Variants in PIGN observed in about 807,000 individuals in gnomAD.
PIGN encodes the protein phosphatidylinositol glycan anchor biosynthesis class N.
PIGN carries 117 observed loss-of-function variants against 125.4 expected under a neutral mutation model. That is an observed-to-expected ratio of 0.93 (90% CI 0.80 to 1.09). The LOEUF (loss-of-function observed/expected upper bound fraction) is 1.09. PIGN is among the 50% of genes least tolerant of loss of function. The pLI is 0.00. For synonymous variants in PIGN, 392 were observed against 377.8 expected, an observed-to-expected ratio of 1.04 and a Z score of -0.44; for missense variants, 1,075 against 1,094.9, an observed-to-expected ratio of 0.98 and a Z score of 0.26.
At position 62,148,289 on chromosome 18, in the gene PIGN, T is replaced by C. The variant is rs2036409322; in HGVS notation, c.599A>G (p.Asn200Ser). 1 of 1,535,264 alleles carries C rather than the reference T, an allele frequency of 6.5e-7. No individual in the cohort carries two copies. Among genetic ancestry groups the C allele is most frequent in the Non-Finnish European group, 8.8e-7 (1 of 1,137,674 alleles). The change falls in exon 8 of 31, where the codon AAT becomes AGT. Residue 200 changes from asparagine to serine, a missense_variant. By Grantham distance (46) the Asn-to-Ser change is conservative (BLOSUM62 1). Coordinates refer to ENST00000640252, the MANE Select transcript of PIGN (RefSeq NM_176787.5). Reference protein sequence around the residue: ...RNNQSLFSKINEEKIVFFLHL... With the variant: ...RNNQSLFSKISEEKIVFFLHL... ...TAAGAAAAAAACTATTTTCTCTTCA[T>C]TTATTTTAGAAAACAAAGACTGGTT...
chr18:62,047,087 G>T (rs901088817), intron 30 of PIGN, among the ~76,000 whole-genome samples: 1 of 152,244 alleles, frequency 6.6e-6, no homozygotes, highest in Non-Finnish European at 1.5e-5. Flanking sequence ...GAAAGGGGCA[G>T]CCAGAAAGAC....
At chr18:62,137,910 T>C (rs1053638259) in intron 14 of PIGN, 11 of 242,514 alleles carry the variant, frequency 4.5e-5, no homozygotes, top group African/African-American at 6.9e-5. Flanking sequence ...TACCAGCATC[T>C]TCCTAATCAA....
At chr18:62,162,048 T>A (rs1400955813) in intron 3 of PIGN, among the ~76,000 whole-genome samples, 1 of 152,150 alleles carries the variant, frequency 6.6e-6, no homozygotes, top group Non-Finnish European at 1.5e-5. Flanking sequence ...TTATTTTAGT[T>A]CCCTGAATCA....
chr18:62,177,885 T>C (rs1568262496), intron 1 of PIGN, among the ~76,000 whole-genome samples: 1 of 152,188 alleles, frequency 6.6e-6, no homozygotes, highest in East Asian at 1.9e-4. Context: ...TCAGCTGAAG[T>C]ACTCTCACAC....
chr18:62,072,805 T>C, intron 29 of PIGN, 80 bp from the exon 30 acceptor site: 1 of 1,028,466 alleles, frequency 9.7e-7, no homozygotes, highest in Non-Finnish European at 1.4e-6. Flanking sequence ...TAGGACTGTA[T>C]GTTTCAGATT....
intron 4 of PIGN, among the ~76,000 whole-genome samples, chr18:62,160,593 T>C (rs2036914475): frequency 6.6e-6 from 1 of 151,980 alleles, no homozygotes. Context: ...CTCGGCTCAC[T>C]GCAACCTCTG....
chr18:62,139,698 G>A (rs2036066981), intron 12 of PIGN, among the ~76,000 whole-genome samples: 1 of 152,066 alleles, frequency 6.6e-6, no homozygotes, highest in South Asian at 2.1e-4. Context: ...CAGCATGTTA[G>A]GTTTATAATC....
At chr18:62,184,113 T>TTACATCTA (rs2037813075) in intron 1 of PIGN, among the ~76,000 whole-genome samples, 1 of 152,194 alleles carries the variant, frequency 6.6e-6, no homozygotes, top group Admixed American at 6.5e-5. Flanking sequence ...AGTTTATCTG[T>TTACATCTA]GGATGTTTAC....
intron 12 of PIGN, among the ~76,000 whole-genome samples, chr18:62,140,004 T>C (rs568373683): frequency 3.3e-5 from 5 of 152,342 alleles, no homozygotes; most frequent in South Asian, 2.1e-4. Flanking sequence ...AAATTACTTA[T>C]ACATTTCTAT....
intron 11 of PIGN, among the ~76,000 whole-genome samples, chr18:62,142,115 T>C (rs2036160577): frequency 6.6e-6 from 1 of 152,238 alleles, no homozygotes; most frequent in Non-Finnish European, 1.5e-5. Flanking sequence ...CATGTATTTG[T>C]ACAACAGACT....
intron 7 of PIGN, among the ~76,000 whole-genome samples, chr18:62,148,633 A>G (rs919466937): frequency 6.6e-6 from 1 of 152,166 alleles, no homozygotes; most frequent in Non-Finnish European, 1.5e-5. Context: ...AACTTAATAA[A>G]ATACAGCAGA....
At chr18:62,124,303 T>G (rs565722201) in intron 14 of PIGN, among the ~76,000 whole-genome samples, 4 of 152,258 alleles carry the variant, frequency 2.6e-5, no homozygotes, top group African/African-American at 9.6e-5. Context: ...CTTACCAAAT[T>G]TCACTAAATT....
chr18:62,180,174 A>C (rs2037665713), intron 1 of PIGN, among the ~76,000 whole-genome samples: 1 of 152,250 alleles, frequency 6.6e-6, no homozygotes, highest in African/African-American at 2.4e-5. Context: ...TTTTTTAAAA[A>C]ATGAAATAGA....
chr18:62,089,005 A>T (rs893368127), intron 24 of PIGN, among the ~76,000 whole-genome samples, 163 bp from the exon 25 acceptor site: 6 of 152,188 alleles, frequency 3.9e-5, no homozygotes, highest in Non-Finnish European at 8.8e-5. Flanking sequence ...CCTAGGGTTT[A>T]ATTACACCTT....
intron 7 of PIGN, among the ~76,000 whole-genome samples, chr18:62,151,855 C>G (rs549171325): frequency 6.6e-6 from 1 of 152,176 alleles, no homozygotes; most frequent in Non-Finnish European, 1.5e-5. Context: ...CATACCTAAC[C>G]TACCAAACAT....
chr18:62,110,174 C>A, intron 16 of PIGN: 2 of 440,090 alleles, frequency 4.5e-6, no homozygotes, highest in South Asian at 4.9e-5. Context: ...ACCTAGATAA[C>A]CTGGAATTGC....
At chr18:62,055,295 T>C (rs1045081121) in intron 30 of PIGN, among the ~76,000 whole-genome samples, 2 of 152,180 alleles carry the variant, frequency 1.3e-5, no homozygotes, top group Non-Finnish European at 2.9e-5. Flanking sequence ...GGCACATCCA[T>C]ACCATGGATT....
intron 23 of PIGN, among the ~76,000 whole-genome samples, chr18:62,035,568 G>A (rs552686886): frequency 9.2e-5 from 14 of 152,068 alleles, no homozygotes; most frequent in Middle Eastern, 3.4e-3. Flanking sequence ...GGGTACATGT[G>A]CACAACCTGC....
intron 30 of PIGN, among the ~76,000 whole-genome samples, chr18:62,068,873 G>C (rs2032678421): frequency 6.6e-6 from 1 of 152,148 alleles, no homozygotes; most frequent in South Asian, 2.1e-4. Flanking sequence ...GCAGTGTTCA[G>C]ACAGCTCCTG....
Sources: gnomAD v4.1 joint callset for allele counts (sites outside exome capture counted in the v4.1 genomes callset) on GRCh38, gnomAD v4.1.1 for gene constraint, MANE v1.5 for transcripts, NCBI Gene and HGNC (gene_info 2026-07-23, HGNC 2026-07-21) for gene names.